SUFU: variants seen among roughly 807,000 people sequenced by gnomAD.
SUFU encodes SUFU negative regulator of hedgehog signaling, also known as suppressor of fused homolog.
In SUFU, 7 loss-of-function variants were observed where a neutral mutation model predicts 58.9. That is an observed-to-expected ratio of 0.12 (90% CI 0.07 to 0.22). The LOEUF (loss-of-function observed/expected upper bound fraction) is 0.22. Among genes scored for constraint, SUFU ranks in the 10% least tolerant of loss-of-function variants. The pLI is 1.00. For synonymous variants in SUFU, 232 were observed against 254.8 expected, an observed-to-expected ratio of 0.91 and a Z score of 0.85; for missense variants, 451 against 641.3, an observed-to-expected ratio of 0.70 and a Z score of 3.20.
At position 102,627,207 on chromosome 10, in the gene SUFU, G is replaced by A. The variant is rs773805575; in HGVS notation, c.1329G>A (p.Met443Ile). ...ILLTEEFVEKMLEDLEDLTSP... is the reference protein window; with the variant it reads ...ILLTEEFVEKILEDLEDLTSP... ...TGACCGAAGAGTTTGTAGAGAAAAT[G>A]TTGGAGGATTTAGAAGATTTGACTT... The change falls in exon 11 of 12, where the codon ATG becomes ATA. Residue 443 changes from methionine to isoleucine, a missense_variant. By Grantham distance (10) the Met-to-Ile change is conservative. Transcript: ENST00000369902. 1.9e-6 allele frequency: 3 copies of A among 1,614,134 alleles called. No homozygotes were observed. The highest frequency in any genetic ancestry group is 2.5e-6 in the Non-Finnish European group (3 of 1,180,044).
intron 3 of SUFU, among the ~76,000 whole-genome samples, chr10:102,573,382 G>C (rs1305207422): frequency 2.6e-5 from 4 of 152,256 alleles, no homozygotes; most frequent in Non-Finnish European, 5.9e-5. Context: ...GTACACTGTT[G>C]ATAGGAATGT....
intron 2 of SUFU, among the ~76,000 whole-genome samples, chr10:102,541,834 T>C (rs1164338086): frequency 1.4e-5 from 2 of 147,242 alleles, no homozygotes; most frequent in Non-Finnish European, 3.0e-5. Flanking sequence ...TCAGCTTCCC[T>C]AGCAGCTGGG....
At chr10:102,569,892 G>A (rs2063142779) in intron 3 of SUFU, among the ~76,000 whole-genome samples, 1 of 152,166 alleles carries the variant, frequency 6.6e-6, no homozygotes, top group South Asian at 2.1e-4. Context: ...TGAGGTAACT[G>A]GAAATATTCT....
At chr10:102,503,324 T>C (rs901583115), upstream of SUFU, among the ~76,000 whole-genome samples, 4 of 152,224 alleles carry the variant, frequency 2.6e-5, no homozygotes, top group East Asian at 1.9e-4. Flanking sequence ...CAGGCTAACA[T>C]TGATCCGAAG....
chr10:102,530,438 A>G (rs886378072), intron 2 of SUFU, among the ~76,000 whole-genome samples: 2 of 128,428 alleles, frequency 1.6e-5, no homozygotes, highest in African/African-American at 6.1e-5. Context: ...TTTGTCCACT[A>G]TTTTAAATCT....
chr10:102,580,082 G>C (rs1309099914), intron 3 of SUFU, among the ~76,000 whole-genome samples: 5 of 132,682 alleles, frequency 3.8e-5, no homozygotes, highest in African/African-American at 1.5e-4. Flanking sequence ...TTCTTAAAGA[G>C]AGTTTCTGTC....
At chr10:102,531,462 TG>T (rs1457035377) in intron 2 of SUFU, among the ~76,000 whole-genome samples, 1 of 152,112 alleles carries the variant, frequency 6.6e-6, no homozygotes, top group Non-Finnish European at 1.5e-5. Context: ...TCACCTTTCT[TG>T]TTGAGCTGAT....
chr10:102,565,019 T>A (rs1000411859), intron 3 of SUFU, among the ~76,000 whole-genome samples: 2 of 152,326 alleles, frequency 1.3e-5, no homozygotes, highest in South Asian at 4.1e-4. Context: ...TGGGTATTTT[T>A]AGGGAAAACT....
Position 102,524,782 on chromosome 10 carries a change from G to A in SUFU, c.317+15479G>A, listed in dbSNP as rs866075660. Among the ~76,000 whole-genome samples the A allele has an allele frequency of 2.0e-5, 3 of 152,318 alleles. No individual in the cohort carries two copies. In the South Asian group the frequency reaches 6.2e-4, roughly 32 times the overall value. ...TAGAACATAAGCTCCCTGAAGATAAGGATGGAAATGTGCTTTATCCATTAA... is the reference window on the plus strand; with the variant it reads ...TAGAACATAAGCTCCCTGAAGATAAAGATGGAAATGTGCTTTATCCATTAA... On this transcript the variant is annotated intron_variant, in intron 2 of 11. Coordinates refer to ENST00000369902, the MANE Select transcript of SUFU (RefSeq NM_016169.4).
At chr10:102,620,567 T>C (rs766348911) in intron 10 of SUFU, among the ~76,000 whole-genome samples, 1 of 152,224 alleles carries the variant, frequency 6.6e-6, no homozygotes, top group East Asian at 1.9e-4. Flanking sequence ...TTTCACTTTC[T>C]GGAGAACAGC....
At chr10:102,606,904 A>T (rs1459396361) in intron 8 of SUFU, among the ~76,000 whole-genome samples, 1 of 152,182 alleles carries the variant, frequency 6.6e-6, no homozygotes, top group Non-Finnish European at 1.5e-5. Context: ...GTGATCCCAG[A>T]TGACAACGGT....
chr10:102,578,632 T>C (rs10883743), intron 3 of SUFU, among the ~76,000 whole-genome samples: 68,078 of 150,340 alleles, frequency 0.45, 15,796 homozygotes, highest in East Asian at 0.68. Context: ...TGCTTGGACC[T>C]GTGAGGCAGA....
At chr10:102,505,692 G>A (rs1242853859) in intron 1 of SUFU, among the ~76,000 whole-genome samples, 1 of 152,238 alleles carries the variant, frequency 6.6e-6, no homozygotes, top group East Asian at 1.9e-4. Context: ...GTCTAGGGAG[G>A]ATTGTAGGGA....
intron 8 of SUFU, among the ~76,000 whole-genome samples, chr10:102,610,016 T>C (rs1294055907): frequency 1.3e-5 from 2 of 152,200 alleles, no homozygotes; most frequent in Non-Finnish European, 2.9e-5. Flanking sequence ...ATTGCCTTTT[T>C]ATTTATTTAT....
chr10:102,586,646 C>G (rs2063338738), intron 3 of SUFU, among the ~76,000 whole-genome samples: 2 of 152,172 alleles, frequency 1.3e-5, no homozygotes, highest in African/African-American at 4.8e-5. Flanking sequence ...GCACTCTAGC[C>G]TGGGCGACAG....
At position 102,629,600 on chromosome 10, in the gene SUFU, C is replaced by T. The variant is rs2063818951; in HGVS notation, c.1366-466C>T. The stretch of plus-strand genomic sequence containing the variant: ...CCTCCTTCCCTTTGGAGCCTTTGGC[C>T]AAGTATACAGAGGACAGGTTCCAGG... On this transcript the variant is annotated intron_variant, in intron 11 of 11. Coordinates refer to ENST00000369902, the MANE Select transcript of SUFU (RefSeq NM_016169.4). The surrounding 1 kb of genome is among the most constrained non-coding windows in gnomAD (Gnocchi z 4.7). Among the ~76,000 whole-genome samples the T allele has an allele frequency of 6.6e-6, 1 of 152,142 alleles. No homozygotes were observed. Among genetic ancestry groups the T allele is most frequent in the Admixed American group, 6.5e-5 (1 of 15,274 alleles).
At chr10:102,576,896 A>C (rs2063217185) in intron 3 of SUFU, among the ~76,000 whole-genome samples, 2 of 151,868 alleles carry the variant, frequency 1.3e-5, no homozygotes, top group Admixed American at 6.6e-5. Context: ...TTTTTTGTAG[A>C]GACAGGGTCT....
At chr10:102,600,549 C>T (rs892607110) in intron 8 of SUFU, among the ~76,000 whole-genome samples, 5 of 152,138 alleles carry the variant, frequency 3.3e-5, no homozygotes, top group Non-Finnish European at 4.4e-5. Context: ...AGTTGCTGAT[C>T]GTGTTTCCCA....
At chr10:102,603,719 C>G (rs1308180415) in intron 8 of SUFU, among the ~76,000 whole-genome samples, 1 of 152,196 alleles carries the variant, frequency 6.6e-6, no homozygotes, top group Non-Finnish European at 1.5e-5. Flanking sequence ...ACCTCCCCAA[C>G]ATACACACAC....
Sources: allele counts gnomAD v4.1 joint callset (sites outside exome capture counted in the v4.1 genomes callset), GRCh38; gene constraint gnomAD v4.1.1; non-coding constraint Gnocchi (gnomAD v3.1); transcripts MANE v1.5; gene names NCBI Gene and HGNC (gene_info 2026-07-23, HGNC 2026-07-21).